The following FSTL4 variants were observed in gnomAD, a reference collection of about 807,000 sequenced individuals.
FSTL4 encodes follistatin like 4, also known as follistatin-related protein 4.
FSTL4 carries 28 observed loss-of-function variants against 78.2 expected under a neutral mutation model. The observed-to-expected ratio is 0.36, with a 90% CI of 0.27 to 0.49. The LOEUF (loss-of-function observed/expected upper bound fraction) is 0.49. Among genes scored for constraint, FSTL4 ranks in the 20% least tolerant of loss-of-function variants. The pLI, the probability that FSTL4 is intolerant of heterozygous loss-of-function variation, is 0.98. For missense variants in FSTL4, 922 were observed against 1,084.9 expected (o/e 0.85, Z 2.11); for synonymous variants, 422 against 440.5 (o/e 0.96, Z 0.53).
chr5:133,315,915 T>C (rs559218531), intron 5 of FSTL4, among the ~76,000 whole-genome samples: 1 of 152,324 alleles, frequency 6.6e-6, no homozygotes, highest in South Asian at 2.1e-4. Flanking sequence ...ACATGTGTGC[T>C]GTGTTGAACA....
intron 6 of FSTL4, among the ~76,000 whole-genome samples, chr5:133,288,390 C>T (rs1753185544): frequency 6.6e-6 from 1 of 152,224 alleles, no homozygotes; most frequent in Non-Finnish European, 1.5e-5. Flanking sequence ...GGAGAGGCTG[C>T]TGCCTGCCCC....
chr5:133,449,484 G>T (rs1341773223), intron 3 of FSTL4, among the ~76,000 whole-genome samples: 1 of 152,212 alleles, frequency 6.6e-6, no homozygotes, highest in Non-Finnish European at 1.5e-5. Context: ...TGAAAGGCAG[G>T]AGCTGTGGCT....
chr5:133,540,720 C>CAAAAAAAAAA (rs79162509), intron 3 of FSTL4, among the ~76,000 whole-genome samples: 261 of 69,916 alleles, frequency 3.7e-3, no homozygotes, highest in African/African-American at 6.1e-3. Context: ...TTAACATAGG[C>CAAAAAAAAAA]AAAAAAAAAA....
chr5:133,421,293 T>C (rs987233219), intron 3 of FSTL4, among the ~76,000 whole-genome samples: 57 of 152,320 alleles, frequency 3.7e-4, no homozygotes, highest in African/African-American at 1.2e-3. Flanking sequence ...GGTACAGGGG[T>C]TGCAAGCTGT....
chr5:133,317,433 GC>G (rs1753936156), intron 4 of FSTL4, among the ~76,000 whole-genome samples: 1 of 152,186 alleles, frequency 6.6e-6, no homozygotes, highest in Admixed American at 6.5e-5. Flanking sequence ...AGCCCCTCCA[GC>G]CCCACTTCCC....
At chr5:133,699,063 G>A in the FSTL4 span, among the ~76,000 whole-genome samples, 6 of 152,168 alleles carry the variant, frequency 3.9e-5, no homozygotes, top group East Asian at 3.9e-4. Context: ...ATGGTGTCCT[G>A]GAGGTCAGGG....
chr5:133,506,219 C>T (rs1007687635), intron 3 of FSTL4, among the ~76,000 whole-genome samples: 1 of 152,168 alleles, frequency 6.6e-6, no homozygotes, highest in East Asian at 1.9e-4. Context: ...ATGCTCTTAC[C>T]TCGTTAGGAA....
chr5:133,492,300 C>T (rs896312303), intron 3 of FSTL4, among the ~76,000 whole-genome samples: 26 of 152,094 alleles, frequency 1.7e-4, no homozygotes, highest in African/African-American at 6.3e-4. Context: ...TATAATTATG[C>T]CTATGTTTTT....
chr5:133,628,342 G>C, the FSTL4 span, among the ~76,000 whole-genome samples: 1 of 149,282 alleles, frequency 6.7e-6, no homozygotes, highest in Non-Finnish European at 1.5e-5. Flanking sequence ...TTTTTTGTTT[G>C]TTTCTTTTCT....
At position 133,552,802 on chromosome 5, in the gene FSTL4, A is replaced by G. The variant is rs1040542493; in HGVS notation, c.160+14384T>C. Among the ~76,000 whole-genome samples, 8 of 152,280 alleles carry G rather than the reference A, an allele frequency of 5.3e-5. No homozygotes were observed. The East Asian group carries it at 1.2e-3, about 22-fold the overall frequency. On this transcript the variant is annotated intron_variant, in intron 3 of 15. Coordinates refer to ENST00000265342, the MANE Select transcript of FSTL4 (RefSeq NM_015082.2). ...AGGTAGGAGATGATGTGGCTCAACG[A>G]AAGTTCAGCTGTTCTTTCAGGACCC... is the stretch of plus-strand genomic sequence containing the variant.
chr5:133,449,915 G>C (rs886242202), intron 3 of FSTL4, among the ~76,000 whole-genome samples: 3 of 152,166 alleles, frequency 2.0e-5, no homozygotes, highest in Admixed American at 2.0e-4. Context: ...TCTGCTCTTG[G>C]GGTCCCACTA....
intron 12 of FSTL4, 125 bp from the exon 13 acceptor site, chr5:133,217,503 T>C (rs778128957): frequency 2.6e-5 from 22 of 854,644 alleles, no homozygotes; most frequent in African/African-American, 1.0e-4. Flanking sequence ...TTTGGATCCA[T>C]AGAACAGGGC....
chr5:133,466,956 CTGTA>C (rs940178660), intron 3 of FSTL4, among the ~76,000 whole-genome samples: 2 of 132,700 alleles, frequency 1.5e-5, no homozygotes, highest in African/African-American at 3.7e-5. Flanking sequence ...GTACGAGTGA[CTGTA>C]TGTGTGTGTA....
the FSTL4 span, among the ~76,000 whole-genome samples, chr5:133,751,416 T>C: frequency 1.3e-5 from 2 of 152,244 alleles, no homozygotes; most frequent in Non-Finnish European, 2.9e-5. Context: ...CTTGTAAATA[T>C]ATTCCTCTGG....
At chr5:133,804,439 A>T in the FSTL4 span, among the ~76,000 whole-genome samples, 1 of 152,246 alleles carries the variant, frequency 6.6e-6, no homozygotes. Flanking sequence ...CCAAGCAAGG[A>T]TAAGTGAACT....
intron 2 of FSTL4, among the ~76,000 whole-genome samples, chr5:133,568,022 GA>G (rs1156974832): frequency 6.6e-6 from 1 of 152,152 alleles, no homozygotes; most frequent in East Asian, 1.9e-4. Flanking sequence ...AAGAACCTTT[GA>G]AAATAGCACT....
the FSTL4 span, among the ~76,000 whole-genome samples, chr5:133,623,299 G>C: frequency 4.2e-3 from 638 of 152,096 alleles, 6 homozygotes; most frequent in African/African-American, 0.014. Context: ...ACTGGTATAA[G>C]GACAGACATA....
At chr5:133,726,979 A>G in the FSTL4 span, among the ~76,000 whole-genome samples, 8 of 152,158 alleles carry the variant, frequency 5.3e-5, no homozygotes, top group Non-Finnish European at 8.8e-5. Context: ...TGAGCTGCAA[A>G]TTGGAGACCG....
chr5:133,377,214 C>T (rs968816600), intron 4 of FSTL4, among the ~76,000 whole-genome samples: 6 of 152,210 alleles, frequency 3.9e-5, no homozygotes, highest in African/African-American at 1.2e-4. Flanking sequence ...GACTCTACTG[C>T]TGGTGTGACA....
Sources: gnomAD v4.1 joint callset for allele counts (sites outside exome capture counted in the v4.1 genomes callset) on GRCh38, gnomAD v4.1.1 for gene constraint, MANE v1.5 for transcripts, NCBI Gene and HGNC (gene_info 2026-07-23, HGNC 2026-07-21) for gene names.